Variants in PSMG2 observed in about 807,000 individuals in gnomAD.
PSMG2 encodes proteasome assembly chaperone 2, also known as CD40 ligand-activated specific transcript 3.
Under a neutral mutation model 31.5 loss-of-function variants are expected in PSMG2, and 21 were observed. The observed-to-expected ratio is 0.67, with a 90% CI of 0.47 to 0.96. The LOEUF (loss-of-function observed/expected upper bound fraction) is 0.96. Among genes scored for constraint, PSMG2 ranks in the 40% least tolerant of loss-of-function variants. The pLI is 0.00. For synonymous variants in PSMG2, 120 were observed against 110.4 expected (o/e 1.09, Z -0.54); for missense variants, 318 against 321.2 (o/e 0.99, Z 0.08).
At chr18:12,718,452 G>A in intron 3 of PSMG2, 65 bp from the exon 4 acceptor site, 1 of 853,458 alleles carries the variant, frequency 1.2e-6, no homozygotes, top group South Asian at 2.2e-5. Flanking sequence ...ATAGTATATA[G>A]AATGTTTGTA....
chr18:12,671,899 C>T (rs2038956884), intron 1 of PSMG2, among the ~76,000 whole-genome samples: 1 of 152,120 alleles, frequency 6.6e-6, no homozygotes, highest in Non-Finnish European at 1.5e-5. Context: ...TGGCTCATCA[C>T]AACCTCCGCC....
intron 1 of PSMG2, chr18:12,672,687 T>A: frequency 1.0e-6 from 1 of 977,002 alleles, no homozygotes; most frequent in Non-Finnish European, 1.2e-6. Context: ...AATAAAGTTT[T>A]TCTAAAATAC....
chr18:12,718,110 G>A (rs533829364), intron 3 of PSMG2, among the ~76,000 whole-genome samples: 3 of 151,246 alleles, frequency 2.0e-5, no homozygotes, highest in South Asian at 4.2e-4. Context: ...CTGGGTTCAA[G>A]TGATTCTCCT....
intron 1 of PSMG2, among the ~76,000 whole-genome samples, chr18:12,683,988 TATATATATGATATATATC>T (rs1200276157): frequency 2.3e-4 from 35 of 150,320 alleles, no homozygotes; most frequent in Admixed American, 1.7e-3. Flanking sequence ...AAAATCTAAA[TATATATATGATATATATC>T]ATATATATGA....
intron 1 of PSMG2, chr18:12,665,033 C>G (rs1030245392): frequency 6.6e-6 from 1 of 151,864 alleles, no homozygotes; most frequent in Non-Finnish European, 1.5e-5. Flanking sequence ...TCCTGTTGCT[C>G]AAAAAAGGTT....
At chr18:12,716,979 G>A (rs1385702770) in intron 3 of PSMG2, among the ~76,000 whole-genome samples, 1 of 141,398 alleles carries the variant, frequency 7.1e-6, no homozygotes, top group Non-Finnish European at 1.5e-5. Context: ...TTGAGACAGG[G>A]TGTCACTCCA....
chr18:12,671,139 G>A (rs1020751332), intron 1 of PSMG2: 4 of 147,206 alleles, frequency 2.7e-5, no homozygotes, highest in African/African-American at 9.8e-5. Flanking sequence ...ATAGGGGGGG[G>A]TCTCTCTATG....
At chr18:12,667,801 T>C (rs1684698039) in intron 1 of PSMG2, among the ~76,000 whole-genome samples, 1 of 148,190 alleles carries the variant, frequency 6.7e-6, no homozygotes, top group South Asian at 2.1e-4. Context: ...AATATAATAT[T>C]CACTTAACAC....
intron 1 of PSMG2, among the ~76,000 whole-genome samples, chr18:12,661,549 A>G (rs1347141812): frequency 6.6e-6 from 1 of 152,180 alleles, no homozygotes; most frequent in African/African-American, 2.4e-5. Context: ...ACGCAGGCAG[A>G]TCGCTTGAGG....
chr18:12,665,684 A>C (rs1286857404), intron 1 of PSMG2, among the ~76,000 whole-genome samples: 1 of 152,108 alleles, frequency 6.6e-6, no homozygotes, highest in African/African-American at 2.4e-5. Flanking sequence ...TTTTAAACAA[A>C]CTTCTTAAAA....
chr18:12,692,011 A>G (rs1242891088), intron 1 of PSMG2, among the ~76,000 whole-genome samples: 1 of 151,956 alleles, frequency 6.6e-6, no homozygotes, highest in African/African-American at 2.4e-5. Context: ...TGGCCCAGAA[A>G]TTTTTAAATA....
chr18:12,691,754 C>T lies in PSMG2; in HGVS notation c.-36-14796C>T, dbSNP rs1402053414. Among the ~76,000 whole-genome samples, 5 of 147,324 alleles carry T rather than the reference C, an allele frequency of 3.4e-5. No individual in the cohort carries two copies. The South Asian group carries it at 6.4e-4, about 19-fold the overall frequency. Reference sequence around the variant, plus strand: ...TGTGGAGGATGCAGTCTTGCTCTGTCGCCCAGGCTGGAGTGCAGTGGCAAG... The same window carrying T: ...TGTGGAGGATGCAGTCTTGCTCTGTTGCCCAGGCTGGAGTGCAGTGGCAAG... On this transcript the variant is annotated intron_variant, in intron 1 of 6. Coordinates refer to the PSMG2 transcript ENST00000585331.
intron 1 of PSMG2, among the ~76,000 whole-genome samples, chr18:12,689,101 C>G (rs2145058830): frequency 6.6e-6 from 1 of 152,210 alleles, no homozygotes; most frequent in South Asian, 2.1e-4. Flanking sequence ...GTGACTGAGA[C>G]TCTGTCTCAC....
At position 12,712,607 on chromosome 18, in the gene PSMG2, CA is replaced by C. The variant is rs562752340; in HGVS notation, c.230-91del. On this transcript the variant is annotated intron_variant, in intron 2 of 6. Transcript: ENST00000317615. ...TTTAATTATTGAAAACATTTAAATG[CA>C]AAAGGTATTATAATTCAATTTTTGT... 4.3e-4 allele frequency: 369 copies of C among 861,088 alleles called. 2 individuals carry two copies. The African/African-American group carries it at 5.4e-3, about 13-fold the overall frequency. The allele number at this position is 861,088 out of a possible 1,614,324, so 53.3% of individuals were successfully genotyped here.
intron 1 of PSMG2, 40 bp from the exon 2 acceptor site, chr18:12,706,510 A>C: frequency 2.5e-6 from 4 of 1,597,844 alleles, no homozygotes; most frequent in Non-Finnish European, 3.4e-6. Context: ...AAGTGCTGCT[A>C]ATTTTGGTGA....
chr18:12,712,899 A>T, intron 3 of PSMG2, 139 bp downstream of exon 3: 1 of 543,384 alleles, frequency 1.8e-6, no homozygotes, highest in Non-Finnish European at 3.1e-6. Context: ...AAATAATCTT[A>T]CAATATTTCA....
At chr18:12,683,375 A>G (rs781623890) in intron 1 of PSMG2, among the ~76,000 whole-genome samples, 2 of 150,726 alleles carry the variant, frequency 1.3e-5, no homozygotes, top group African/African-American at 2.4e-5. Context: ...AGAAAACAAC[A>G]ACAACAAAAC....
At chr18:12,724,692 A>G in intron 6 of PSMG2, 73 bp downstream of exon 6, 1 of 1,305,096 alleles carries the variant, frequency 7.7e-7, no homozygotes, top group Non-Finnish European at 1.0e-6. Flanking sequence ...TATACTACCT[A>G]AGTAGACCAA....
At chr18:12,711,857 C>A (rs184959961) in intron 2 of PSMG2, among the ~76,000 whole-genome samples, 19 of 151,510 alleles carry the variant, frequency 1.3e-4, no homozygotes, top group African/African-American at 4.6e-4. Context: ...GGGTTCACGC[C>A]GTTCTCCTGC....
Sources: allele counts gnomAD v4.1 joint callset (sites outside exome capture counted in the v4.1 genomes callset), GRCh38; gene constraint gnomAD v4.1.1; transcripts MANE v1.5; gene names NCBI Gene and HGNC (gene_info 2026-07-23, HGNC 2026-07-21).